LRRC4C: variants seen among roughly 807,000 people sequenced by gnomAD.
LRRC4C encodes leucine-rich repeat-containing protein 4C.
Under a neutral mutation model 33.6 loss-of-function variants are expected in LRRC4C, and 5 were observed. The observed-to-expected ratio is 0.15, with a 90% CI of 0.08 to 0.31. The LOEUF (loss-of-function observed/expected upper bound fraction) is 0.31, where lower values mean the gene tolerates loss of function less well. Ranked by LOEUF, LRRC4C falls within the 10% of genes least tolerant of loss-of-function variation. The pLI, the probability that LRRC4C is intolerant of heterozygous loss-of-function variation, is 1.00. For missense variants in LRRC4C, 560 were observed against 796.7 expected (o/e 0.70, Z 3.58); for synonymous variants, 329 against 302.0 (o/e 1.09, Z -0.93).
chr11:40,316,432 T>C (rs369115567), intron 4 of LRRC4C, among the ~76,000 whole-genome samples: 19 of 151,978 alleles, frequency 1.3e-4, no homozygotes, highest in Admixed American at 5.9e-4. Context: ...AATGACCTTT[T>C]GGAAGACAAT....
At chr11:41,195,857 T>A (rs1056791463) in intron 1 of LRRC4C, among the ~76,000 whole-genome samples, 1 of 152,086 alleles carries the variant, frequency 6.6e-6, no homozygotes, top group East Asian at 1.9e-4. Context: ...AAGGTCTCAT[T>A]TGCAGATGCA....
chr11:40,414,000 G>A (rs1950239152), intron 3 of LRRC4C, among the ~76,000 whole-genome samples: 1 of 151,724 alleles, frequency 6.6e-6, no homozygotes, highest in Non-Finnish European at 1.5e-5. Flanking sequence ...TCATCATTTT[G>A]TGTCAATCTA....
At chr11:41,361,308 C>A (rs1952347000) in intron 1 of LRRC4C, among the ~76,000 whole-genome samples, 1 of 152,164 alleles carries the variant, frequency 6.6e-6, no homozygotes, top group Non-Finnish European at 1.5e-5. Flanking sequence ...AGACTATAAC[C>A]CATTCCATCA....
At chr11:40,337,858 A>G (rs539275362) in intron 3 of LRRC4C, among the ~76,000 whole-genome samples, 24 of 152,082 alleles carry the variant, frequency 1.6e-4, no homozygotes, top group Non-Finnish European at 1.5e-4. Flanking sequence ...GATACGCCCC[A>G]GTGTGCGTTC....
intron 1 of LRRC4C, among the ~76,000 whole-genome samples, chr11:41,410,704 T>C (rs1325636157): frequency 6.6e-6 from 1 of 152,148 alleles, no homozygotes; most frequent in African/African-American, 2.4e-5. Context: ...CCTCCCAAAA[T>C]GATGGGATTA....
At chr11:40,536,319 A>T (rs7128175) in intron 3 of LRRC4C, among the ~76,000 whole-genome samples, 1 of 151,874 alleles carries the variant, frequency 6.6e-6, no homozygotes, top group Non-Finnish European at 1.5e-5. Flanking sequence ...TCAGCCTCCC[A>T]AGTAGCTGGG....
chr11:40,622,224 A>T (rs917272330), intron 3 of LRRC4C, among the ~76,000 whole-genome samples: 2 of 151,924 alleles, frequency 1.3e-5, no homozygotes, highest in African/African-American at 4.8e-5. Context: ...TATTTTTCAA[A>T]TCCAAATTTA....
chr11:40,711,542 G>A (rs1418765598), intron 2 of LRRC4C, among the ~76,000 whole-genome samples: 1 of 152,110 alleles, frequency 6.6e-6, no homozygotes, highest in Non-Finnish European at 1.5e-5. Context: ...TAATACATAT[G>A]TAGAATTTTT....
intron 3 of LRRC4C, among the ~76,000 whole-genome samples, chr11:40,489,905 C>T (rs975443226): frequency 6.6e-6 from 1 of 152,066 alleles, no homozygotes; most frequent in African/African-American, 2.4e-5. Context: ...ATTTATTGAG[C>T]ACTCACTGTG....
At chr11:40,737,372 C>G (rs1172069125) in intron 2 of LRRC4C, among the ~76,000 whole-genome samples, 1 of 151,850 alleles carries the variant, frequency 6.6e-6, no homozygotes, top group Middle Eastern at 3.4e-3. Context: ...CTGGCCAGGG[C>G]AATTAGGCAA....
chr11:40,490,646 C>T (rs186549007), intron 3 of LRRC4C, among the ~76,000 whole-genome samples: 285 of 152,216 alleles, frequency 1.9e-3, no homozygotes, highest in Middle Eastern at 6.8e-3. Flanking sequence ...CTATGGAAAA[C>T]GCTTCTCCTT....
chr11:41,197,371 T>C (rs1590907463), intron 1 of LRRC4C, among the ~76,000 whole-genome samples: 2 of 152,006 alleles, frequency 1.3e-5, no homozygotes, highest in African/African-American at 2.4e-5. Flanking sequence ...TATCATTTTA[T>C]TGGGCTCTGC....
intron 5 of LRRC4C, among the ~76,000 whole-genome samples, chr11:40,185,434 A>T: frequency 6.6e-6 from 1 of 152,056 alleles, no homozygotes; most frequent in African/African-American, 2.4e-5. Context: ...CCTTTCCCAT[A>T]CAGGGACTGA....
At chr11:40,438,606 C>T (rs147672807) in intron 3 of LRRC4C, among the ~76,000 whole-genome samples, 1 of 152,280 alleles carries the variant, frequency 6.6e-6, no homozygotes, top group East Asian at 1.9e-4. Context: ...TATCTGACTA[C>T]ATTAAAGGAC....
intron 6 of LRRC4C, among the ~76,000 whole-genome samples, chr11:40,139,606 C>A (rs931499031): frequency 1.3e-5 from 2 of 152,118 alleles, no homozygotes; most frequent in African/African-American, 4.8e-5. Flanking sequence ...AGGCCTCATG[C>A]CAATTATACC....
intron 3 of LRRC4C, among the ~76,000 whole-genome samples, chr11:40,616,022 T>G (rs1014946425): frequency 6.6e-6 from 1 of 151,490 alleles, no homozygotes; most frequent in Non-Finnish European, 1.5e-5. Context: ...AAAGAGAATA[T>G]CAGGATCCGG....
chr11:40,584,238 A>G (rs1050184932), intron 3 of LRRC4C, among the ~76,000 whole-genome samples: 1 of 132,860 alleles, frequency 7.5e-6, no homozygotes, highest in African/African-American at 2.8e-5. Context: ...AGTCTTGTGC[A>G]CTGCCAAGCG....
intron 1 of LRRC4C, among the ~76,000 whole-genome samples, chr11:41,239,886 C>T (rs1324308054): frequency 6.6e-6 from 1 of 152,166 alleles, no homozygotes; most frequent in African/African-American, 2.4e-5. Flanking sequence ...TTCATCCTAA[C>T]AATTGCATTT....
intron 2 of LRRC4C, among the ~76,000 whole-genome samples, chr11:40,781,568 T>C (rs1437144763): frequency 2.0e-5 from 3 of 152,138 alleles, no homozygotes; most frequent in African/African-American, 4.8e-5. Context: ...ATTTTCAGAG[T>C]TGGCATAATA....
Sources: gnomAD v4.1 joint callset for allele counts (sites outside exome capture counted in the v4.1 genomes callset) on GRCh38, gnomAD v4.1.1 for gene constraint, MANE v1.5 for transcripts, NCBI Gene and HGNC (gene_info 2026-07-23, HGNC 2026-07-21) for gene names.